The following ZNF346 variants were observed in gnomAD, a reference collection of about 807,000 sequenced individuals.
The protein encoded by ZNF346 is zinc finger protein 346.
Under a neutral mutation model 33.7 loss-of-function variants are expected in ZNF346, and 23 were observed. The ratio of observed to expected loss-of-function variants is 0.68; its 90% CI spans 0.49 to 0.97. ZNF346 has a LOEUF of 0.97. Ranked by LOEUF, ZNF346 falls within the 50% of genes least tolerant of loss-of-function variation. The pLI is 0.00. For synonymous variants in ZNF346, 134 were observed against 142.4 expected, an observed-to-expected ratio of 0.94 and a Z score of 0.42; for missense variants, 340 against 371.1, an observed-to-expected ratio of 0.92 and a Z score of 0.69.
chr5:177,028,909 C>T (rs1178952588), intron 1 of ZNF346, among the ~76,000 whole-genome samples: 3 of 151,350 alleles, frequency 2.0e-5, no homozygotes, highest in Non-Finnish European at 2.9e-5. Context: ...TTAGTAGAGA[C>T]GGGGTTTCAC....
Position 177,055,709 on chromosome 5 carries a change from G to C in ZNF346, c.703+4773G>C, listed in dbSNP as rs189853558. ...TAATCCCAGCACTTTAGGAGGCCAA[G>C]ATAGGTGGATCACTTGAGGTCGGGA... is the stretch of plus-strand genomic sequence containing the variant. On this transcript the variant is annotated intron_variant, in intron 5 of 6. Coordinates refer to ENST00000358149, the MANE Select transcript of ZNF346 (RefSeq NM_012279.4). 5.0e-3 allele frequency among the ~76,000 whole-genome samples: 764 copies of C among 152,242 alleles called. 3 individuals carry two copies. The highest frequency in any genetic ancestry group is 8.6e-3 in the Admixed American group (132 of 15,294).
intron 4 of ZNF346, among the ~76,000 whole-genome samples, chr5:177,047,830 G>A (rs1780298967): frequency 6.6e-6 from 1 of 151,958 alleles, no homozygotes; most frequent in African/African-American, 2.4e-5. Context: ...CTAGCGATGG[G>A]GTTTCGGCAT....
intron 8 of ZNF346, among the ~76,000 whole-genome samples, chr5:177,074,026 C>G (rs1166913563): frequency 1.3e-5 from 2 of 152,152 alleles, no homozygotes; most frequent in Non-Finnish European, 2.9e-5. Context: ...GAGAAGCCAA[C>G]AGCCAGCTCC....
downstream of ZNF346, among the ~76,000 whole-genome samples, chr5:177,070,691 C>G (rs1783459900): frequency 6.6e-6 from 1 of 152,138 alleles, no homozygotes; most frequent in African/African-American, 2.4e-5. Flanking sequence ...CTGAAGTAAG[C>G]CCTGAGTCCC....
chr5:177,073,830 G>A (rs556330707), intron 8 of ZNF346, among the ~76,000 whole-genome samples: 2 of 109,592 alleles, frequency 1.8e-5, no homozygotes, highest in African/African-American at 1.4e-4. Flanking sequence ...GGCGGGGGAG[G>A]GGGGGGGTCC....
chr5:177,055,112 C>T (rs1781500293), intron 5 of ZNF346, among the ~76,000 whole-genome samples: 1 of 150,282 alleles, frequency 6.7e-6, no homozygotes, highest in African/African-American at 2.5e-5. Context: ...CGGCTCACCG[C>T]GACCTCTGCC....
intron 3 of ZNF346, 69 bp downstream of exon 3, chr5:177,041,939 C>A: frequency 2.0e-6 from 2 of 1,009,172 alleles, no homozygotes; most frequent in South Asian, 1.4e-5. Context: ...GTGTGGTGAA[C>A]AAGTCAGACT....
rs1248961389 is a variant in ZNF346, at chr5:177,066,918, TG to T, written c.*2320del. On this transcript the variant is annotated 3_prime_UTR_variant, in exon 7 of 7. Coordinates refer to ENST00000358149, the MANE Select transcript of ZNF346 (RefSeq NM_012279.4). Reference sequence around the variant, plus strand: ...CCCTATAAAAAATACGAAAATCAGCTGCGCCTGGTGGCACACATCTGTAGTC... The same window carrying T: ...CCCTATAAAAAATACGAAAATCAGCTCGCCTGGTGGCACACATCTGTAGTC... Among the ~76,000 whole-genome samples the T allele has an allele frequency of 6.6e-6, 1 of 151,938 alleles. No individual in the cohort carries two copies. Among genetic ancestry groups the T allele is most frequent in the Non-Finnish European group, 1.5e-5 (1 of 68,004 alleles).
intron 1 of ZNF346, among the ~76,000 whole-genome samples, chr5:177,031,467 T>A (rs995130579): frequency 2.6e-5 from 4 of 152,250 alleles, no homozygotes; most frequent in African/African-American, 9.6e-5. Flanking sequence ...GAAGTTGTCA[T>A]TAATTGAATT....
At chr5:177,069,384 G>A (rs530521996), downstream of ZNF346, among the ~76,000 whole-genome samples, 11 of 151,704 alleles carry the variant, frequency 7.3e-5, no homozygotes, top group East Asian at 1.9e-4. Context: ...CCTGGGAGGC[G>A]GAGGTTGCAA....
intron 1 of ZNF346, chr5:177,023,117 C>T: frequency 2.7e-6 from 4 of 1,480,916 alleles, no homozygotes; most frequent in Non-Finnish European, 3.6e-6. Flanking sequence ...CGCTCACGCT[C>T]AGGCCCTGGG....
At chr5:177,069,705 A>G (rs1221546055), downstream of ZNF346, among the ~76,000 whole-genome samples, 3 of 146,812 alleles carry the variant, frequency 2.0e-5, no homozygotes, top group Non-Finnish European at 2.9e-5. Context: ...AATTTTTTCT[A>G]TTTTTTGTAG....
At chr5:177,040,978 G>A (rs909515481) in intron 1 of ZNF346, 148 bp from the exon 2 acceptor site, 30 of 656,404 alleles carry the variant, frequency 4.6e-5, no homozygotes, top group African/African-American at 4.5e-4. Context: ...CATGAGTCAC[G>A]GTGGCAGTAG....
Position 177,041,145 on chromosome 5 carries a change from G to A in ZNF346, c.195G>A (p.Lys65=). The stretch of plus-strand genomic sequence containing the variant: ...CTATAGTGGAGCACATGATCCAGAA[G>A]AACCAATGTCTCTTCACCAACACCC... ...GREEVEHMIQ[K]NQCLFTNTQC... The change falls in exon 2 of 7, where the codon AAG becomes AAA. Residue 65 remains lysine, a synonymous_variant. Coordinates refer to ENST00000358149, the MANE Select transcript of ZNF346 (RefSeq NM_012279.4). 1 of 1,614,026 alleles carries A rather than the reference G, an allele frequency of 6.2e-7. No individual in the cohort carries two copies. Among genetic ancestry groups the A allele is most frequent in the Non-Finnish European group, 8.5e-7 (1 of 1,179,944 alleles).
intron 8 of ZNF346, among the ~76,000 whole-genome samples, chr5:177,073,638 G>A (rs1423912559): frequency 6.6e-6 from 1 of 152,126 alleles, no homozygotes; most frequent in East Asian, 1.9e-4. Context: ...TCCTCTAGTG[G>A]TCATGAAGGT....
intron 8 of ZNF346, among the ~76,000 whole-genome samples, chr5:177,075,364 A>G (rs986611296): frequency 6.6e-6 from 1 of 152,174 alleles, no homozygotes; most frequent in African/African-American, 2.4e-5. Context: ...GATGAGTAAC[A>G]CTGTACCCCG....
intron 5 of ZNF346, among the ~76,000 whole-genome samples, chr5:177,060,452 C>T (rs1471325191): frequency 6.6e-6 from 1 of 152,034 alleles, no homozygotes; most frequent in African/African-American, 2.4e-5. Context: ...ACCCAGGAGG[C>T]GGAGGTGCCT....
chr5:177,026,852 G>C (rs1776853327), intron 1 of ZNF346, among the ~76,000 whole-genome samples: 2 of 152,148 alleles, frequency 1.3e-5, no homozygotes, highest in South Asian at 4.1e-4. Flanking sequence ...TTAGTGATTG[G>C]CTGTACATTA....
At chr5:177,054,985 T>C (rs1414658770) in intron 5 of ZNF346, among the ~76,000 whole-genome samples, 1 of 151,894 alleles carries the variant, frequency 6.6e-6, no homozygotes, top group Non-Finnish European at 1.5e-5. Context: ...TACTAATATG[T>C]AGATTTTGCT....
Sources: allele counts gnomAD v4.1 joint callset (sites outside exome capture counted in the v4.1 genomes callset), GRCh38; gene constraint gnomAD v4.1.1; transcripts MANE v1.5; gene names NCBI Gene and HGNC (gene_info 2026-07-23, HGNC 2026-07-21).